Variants in SLMAP observed in about 807,000 individuals in gnomAD.
SLMAP encodes sarcolemma associated protein, also known as sarcolemmal membrane-associated protein.
Under a neutral mutation model 128.8 loss-of-function variants are expected in SLMAP, and 44 were observed. The observed-to-expected ratio is 0.34, with a 90% CI of 0.27 to 0.44. SLMAP has a LOEUF of 0.44. SLMAP is among the 20% of genes least tolerant of loss of function. The pLI, the probability that SLMAP is intolerant of heterozygous loss-of-function variation, is 1.00. For synonymous variants in SLMAP, 327 were observed against 348.8 expected (o/e 0.94, Z 0.70); for missense variants, 787 against 985.3 (o/e 0.80, Z 2.69).
intron 2 of SLMAP, among the ~76,000 whole-genome samples, chr3:57,807,166 T>C (rs1390338790): frequency 6.6e-6 from 1 of 152,222 alleles, no homozygotes; most frequent in African/African-American, 2.4e-5. Context: ...AATGTCTTCT[T>C]TTGAGAAGTG....
intron 3 of SLMAP, among the ~76,000 whole-genome samples, chr3:57,838,816 G>T (rs563354346): frequency 3.4e-4 from 52 of 152,298 alleles, no homozygotes; most frequent in Middle Eastern, 6.8e-3. Flanking sequence ...ATCGCAGGTA[G>T]CTTGGCTTTG....
chr3:57,928,956 T>C lies in SLMAP; in HGVS notation c.*1667T>C, dbSNP rs113076830. Reference sequence around the variant, plus strand: ...GCCACTCCACCACAGAATGCTAATATGCCAGTGGTACCCAGTACCTCTTGT... The same window carrying C: ...GCCACTCCACCACAGAATGCTAATACGCCAGTGGTACCCAGTACCTCTTGT... On this transcript the variant is annotated 3_prime_UTR_variant, in exon 25 of 25. Coordinates refer to ENST00000671191, the MANE Select transcript of SLMAP (RefSeq NM_001377540.1). The C allele has an allele frequency of 2.9e-3, 440 of 152,758 alleles. 3 individuals carry two copies. The highest frequency in any genetic ancestry group is 0.01 in the African/African-American group (421 of 41,592). 9.5% of individuals were successfully genotyped at this position (152,758 alleles called of 1,614,324 possible).
intron 17 of SLMAP, among the ~76,000 whole-genome samples, chr3:57,907,218 G>A (rs1308434433): frequency 5.3e-5 from 8 of 152,166 alleles, no homozygotes; most frequent in South Asian, 2.1e-4. Context: ...TAGTAGAGAC[G>A]GGGTTTCACC....
intron 2 of SLMAP, among the ~76,000 whole-genome samples, chr3:57,767,132 T>A (rs2079901445): frequency 6.6e-6 from 1 of 152,068 alleles, no homozygotes. Context: ...TTGCCCAGGC[T>A]GATCTCGAAC....
chr3:57,928,698 T>C lies in SLMAP; in HGVS notation c.*1409T>C, dbSNP rs2097043477. On this transcript the variant is annotated 3_prime_UTR_variant, in exon 25 of 25. Transcript: ENST00000671191. ...AAGACCGGGAGGGAATGTCAGTGAA[T>C]TGGCTTGAATGTTCTGTGGCAATCC... The C allele has an allele frequency of 6.6e-6, 1 of 152,232 alleles. No homozygotes were observed. Among genetic ancestry groups the C allele is most frequent in the Admixed American group, 6.5e-5 (1 of 15,278 alleles). The allele number at this position is 152,232 out of a possible 1,614,324, so 9.4% of individuals were successfully genotyped here.
At chr3:57,868,891 T>A (rs12493056) in intron 13 of SLMAP, among the ~76,000 whole-genome samples, 2 of 137,244 alleles carry the variant, frequency 1.5e-5, no homozygotes, top group Non-Finnish European at 3.1e-5. Context: ...TAATATATAT[T>A]ATATATATTA....
chr3:57,890,347 T>C (rs989842525), intron 15 of SLMAP: 4 of 355,480 alleles, frequency 1.1e-5, no homozygotes, highest in African/African-American at 2.1e-5. Context: ...GTACTTGATA[T>C]AGGTTTCTTT....
rs766644866 is a variant in SLMAP at position 57,857,745 on chromosome 3, C to T, written c.532C>T (p.Arg178Trp). Residue 178 changes from arginine (R) to tryptophan (W), a missense_variant, in exon 7 of 25, where the codon CGG becomes TGG. This residue lies in a region of SLMAP where 715 missense variants were observed against 843.6 expected (regional missense o/e 0.85). Coordinates refer to ENST00000671191, the MANE Select transcript of SLMAP (RefSeq NM_001377540.1). Reference sequence around the variant, plus strand: ...TTTGTAATACTAGGAGGCCTTACATCGGGAACAAATGTTGGAACAGAAGTT... The same window carrying T: ...TTTGTAATACTAGGAGGCCTTACATTGGGAACAAATGTTGGAACAGAAGTT... ...LSQYLQEALH[R>W]EQMLEQKLAT... 9.9e-6 allele frequency: 16 copies of T among 1,612,516 alleles called. No homozygotes were observed. The highest frequency in any genetic ancestry group is 1.3e-5 in the Non-Finnish European group (15 of 1,178,590).
intron 6 of SLMAP, among the ~76,000 whole-genome samples, chr3:57,850,062 G>A (rs537575520): frequency 1.6e-4 from 24 of 152,190 alleles, no homozygotes; most frequent in Middle Eastern, 3.4e-3. Context: ...TGTAGTCCCA[G>A]CTACTTGGGA....
chr3:57,878,398 A>T (rs569797313), intron 14 of SLMAP, among the ~76,000 whole-genome samples: 3 of 152,184 alleles, frequency 2.0e-5, no homozygotes, highest in Admixed American at 1.3e-4. Context: ...CAATTTGTGT[A>T]TTGATATTCT....
intron 2 of SLMAP, among the ~76,000 whole-genome samples, chr3:57,762,051 C>T (rs1241672601): frequency 8.8e-6 from 1 of 113,940 alleles, no homozygotes; most frequent in Non-Finnish European, 1.7e-5. Flanking sequence ...GAGACTCCGT[C>T]TCAAAAAAAA....
At chr3:57,764,304 C>G (rs1217384081) in intron 2 of SLMAP, among the ~76,000 whole-genome samples, 1 of 152,042 alleles carries the variant, frequency 6.6e-6, no homozygotes, top group East Asian at 1.9e-4. Flanking sequence ...GAGTTTGAGA[C>G]CAGCCTGGCC....
At chr3:57,809,949 G>A (rs2090639742) in intron 2 of SLMAP, among the ~76,000 whole-genome samples, 1 of 152,188 alleles carries the variant, frequency 6.6e-6, no homozygotes, top group Non-Finnish European at 1.5e-5. Context: ...GGCTGAAAGA[G>A]CTGTAACACA....
Position 57,928,040 on chromosome 3 carries a change from A to C in SLMAP, c.*751A>C, listed in dbSNP as rs1325712502. The C allele has an allele frequency of 6.6e-6, 1 of 152,534 alleles. No individual in the cohort carries two copies. The highest frequency in any genetic ancestry group is 1.5e-5 in the Non-Finnish European group (1 of 68,010). The allele number at this position is 152,534 out of a possible 1,614,324, so 9.4% of individuals were successfully genotyped here. On this transcript the variant is annotated 3_prime_UTR_variant, in exon 25 of 25. Transcript: ENST00000671191. ...GCTTGTTCAGCCTTAATGTGACTTG[A>C]AGATGTGGAGGACATCAACTTTGAA...
chr3:57,892,783 A>AACACACACACACACAC (rs141561615), intron 15 of SLMAP, among the ~76,000 whole-genome samples: 3 of 143,904 alleles, frequency 2.1e-5, no homozygotes, highest in Admixed American at 7.1e-5. Context: ...TGTCTCTTAA[A>AACACACACACACACAC]ACACACACAC....
chr3:57,831,066 G>A (rs1466492577), intron 2 of SLMAP, among the ~76,000 whole-genome samples: 1 of 152,070 alleles, frequency 6.6e-6, no homozygotes, highest in South Asian at 2.1e-4. Flanking sequence ...CATGTTTTTA[G>A]TTCTCTTGGA....
At chr3:57,891,748 G>T (rs781349555) in intron 15 of SLMAP, among the ~76,000 whole-genome samples, 1 of 151,934 alleles carries the variant, frequency 6.6e-6, no homozygotes, top group African/African-American at 2.4e-5. Context: ...GGCTAATTTT[G>T]TATTTTTAGT....
At chr3:57,811,920 T>A (rs1323596771) in intron 2 of SLMAP, among the ~76,000 whole-genome samples, 3 of 152,150 alleles carry the variant, frequency 2.0e-5, no homozygotes, top group African/African-American at 7.2e-5. Context: ...TTGAATTGGG[T>A]TCTTTGTTTT....
chr3:57,822,709 G>A (rs1482208083), intron 2 of SLMAP, among the ~76,000 whole-genome samples: 6 of 152,104 alleles, frequency 3.9e-5, no homozygotes, highest in African/African-American at 1.4e-4. Flanking sequence ...TTGGGATTGT[G>A]TATTATGATT....
Sources: gnomAD v4.1 joint callset for allele counts (sites outside exome capture counted in the v4.1 genomes callset) on GRCh38, gnomAD v4.1.1 for gene constraint, gnomAD v4.1.1 regional missense constraint, MANE v1.5 for transcripts, NCBI Gene and HGNC (gene_info 2026-07-23, HGNC 2026-07-21) for gene names.